KLF12: variants seen among roughly 807,000 people sequenced by gnomAD.
KLF12 encodes Krueppel-like factor 12.
A neutral mutation model predicts 37.8 loss-of-function variants in KLF12; 9 were observed. The ratio of observed to expected loss-of-function variants is 0.24; its 90% CI spans 0.14 to 0.42. The LOEUF is 0.42. Among genes scored for constraint, KLF12 ranks in the 10% least tolerant of loss-of-function variants. The probability of loss-of-function intolerance (pLI) is 1.00; values close to 1 mark genes in which losing one functional copy is unlikely to be tolerated. For missense variants in KLF12, 411 were observed against 516.0 expected (o/e 0.80, Z 1.97); for synonymous variants, 208 against 202.1 (o/e 1.03, Z -0.25).
At chr13:73,856,481 A>G (rs1390944420) in intron 3 of KLF12, among the ~76,000 whole-genome samples, 1 of 152,140 alleles carries the variant, frequency 6.6e-6, no homozygotes, top group African/African-American at 2.4e-5. Context: ...ATAACTACAC[A>G]TTTAAGAATC....
chr13:74,143,012 TTCCC>T, the KLF12 span, among the ~76,000 whole-genome samples: 31 of 151,244 alleles, frequency 2.0e-4, 1 homozygote, highest in African/African-American at 9.7e-5. Context: ...CCTTCCTTCC[TTCCC>T]TCCCTCCCTC....
chr13:73,970,910 C>G (rs545138286), intron 2 of KLF12, among the ~76,000 whole-genome samples: 1 of 151,924 alleles, frequency 6.6e-6, no homozygotes, highest in South Asian at 2.1e-4. Context: ...CTCAAAGCAG[C>G]AGAAGGGTGG....
chr13:73,865,958 T>C (rs1295600673), intron 3 of KLF12, among the ~76,000 whole-genome samples: 4 of 152,154 alleles, frequency 2.6e-5, no homozygotes, highest in Admixed American at 6.5e-5. Context: ...TAAGATACTT[T>C]AAAAAGCATA....
In KLF12 at chr13:73,689,936, C is replaced by A. The variant is rs1412092740; in HGVS notation, c.*5554G>T. Reference sequence around the variant, plus strand: ...CTTTTTATCTGGAAATTATAATTACCATATGCAATAGTGTTCACTGAAGAT... The same window carrying A: ...CTTTTTATCTGGAAATTATAATTACAATATGCAATAGTGTTCACTGAAGAT... On this transcript the variant is annotated 3_prime_UTR_variant, in exon 8 of 8. Transcript: ENST00000377669. The A allele has an allele frequency of 3.9e-5, 6 of 152,080 alleles. No individual in the cohort carries two copies. The highest frequency in any genetic ancestry group is 7.4e-5 in the Non-Finnish European group (5 of 68,014). The allele number at this position is 152,080 out of a possible 1,614,324, so 9.4% of individuals were successfully genotyped here.
the KLF12 span, among the ~76,000 whole-genome samples, chr13:74,305,645 T>G: frequency 6.6e-6 from 1 of 152,042 alleles, no homozygotes; most frequent in Non-Finnish European, 1.5e-5. Flanking sequence ...TGTCAATCTT[T>G]AAAAAGAAAT....
At chr13:74,114,638 G>A (rs758443294) in intron 1 of KLF12, among the ~76,000 whole-genome samples, 5 of 151,590 alleles carry the variant, frequency 3.3e-5, no homozygotes, top group Non-Finnish European at 7.3e-5. Context: ...AATATTTACA[G>A]CAGAGACACA....
intron 6 of KLF12, among the ~76,000 whole-genome samples, chr13:73,739,035 G>T (rs1440286845): frequency 6.6e-6 from 1 of 152,114 alleles, no homozygotes; most frequent in Non-Finnish European, 1.5e-5. Context: ...AGCAGTTTAA[G>T]AACAGCCTGG....
intron 6 of KLF12, among the ~76,000 whole-genome samples, chr13:73,738,307 G>A (rs1877679884): frequency 1.6e-5 from 1 of 63,872 alleles, no homozygotes; most frequent in African/African-American, 3.6e-5. Flanking sequence ...ACCACGCCTG[G>A]CTAATTTTTT....
chr13:74,273,994 A>T, the KLF12 span, among the ~76,000 whole-genome samples: 1 of 152,166 alleles, frequency 6.6e-6, no homozygotes. Flanking sequence ...TTAAAAATAG[A>T]AGACTGGCAC....
chr13:74,220,548 ACT>A, the KLF12 span, among the ~76,000 whole-genome samples: 3 of 152,072 alleles, frequency 2.0e-5, no homozygotes, highest in African/African-American at 7.2e-5. Flanking sequence ...CTTGAAATCT[ACT>A]CTTTTTAGTT....
chr13:74,235,622 A>T, the KLF12 span, among the ~76,000 whole-genome samples: 1 of 152,216 alleles, frequency 6.6e-6, no homozygotes, highest in Non-Finnish European at 1.5e-5. Context: ...AGATCTTTAT[A>T]TGTTAATAGC....
At chr13:74,269,146 G>A in the KLF12 span, among the ~76,000 whole-genome samples, 1 of 152,200 alleles carries the variant, frequency 6.6e-6, no homozygotes, top group Non-Finnish European at 1.5e-5. Context: ...TTACCCCAGA[G>A]ATAATGTTAT....
chr13:73,871,700 C>T (rs999122079), intron 3 of KLF12, among the ~76,000 whole-genome samples: 5 of 152,180 alleles, frequency 3.3e-5, no homozygotes, highest in Admixed American at 3.3e-4. Context: ...TAATTCCTAA[C>T]ACATCTTTAG....
At chr13:74,106,699 C>G (rs1167731032) in intron 1 of KLF12, among the ~76,000 whole-genome samples, 1 of 152,102 alleles carries the variant, frequency 6.6e-6, no homozygotes, top group Non-Finnish European at 1.5e-5. Context: ...CTGGGCTAAA[C>G]AGATGATCAT....
intron 3 of KLF12, among the ~76,000 whole-genome samples, chr13:73,934,680 G>A (rs777336998): frequency 6.6e-6 from 1 of 151,998 alleles, no homozygotes; most frequent in Non-Finnish European, 1.5e-5. Context: ...CTAGCAATTT[G>A]ATTATTCTGT....
intron 4 of KLF12, among the ~76,000 whole-genome samples, chr13:73,828,532 A>G (rs9318220): frequency 0.36 from 54,242 of 151,992 alleles, 11,332 homozygotes; most frequent in Non-Finnish European, 0.48. Context: ...TTGACATCCA[A>G]CTGGCCAACA....
At chr13:73,769,953 A>C (rs1334406336) in intron 5 of KLF12, among the ~76,000 whole-genome samples, 2 of 152,164 alleles carry the variant, frequency 1.3e-5, no homozygotes, top group Non-Finnish European at 2.9e-5. Flanking sequence ...GATTATAAGA[A>C]ATTATTATGT....
chr13:73,767,311 C>T (rs1349350128), intron 5 of KLF12, among the ~76,000 whole-genome samples: 1 of 152,194 alleles, frequency 6.6e-6, no homozygotes, highest in Non-Finnish European at 1.5e-5. Flanking sequence ...ATCTGCATGT[C>T]ATGCATTATT....
chr13:73,955,703 G>A (rs1890810232), intron 2 of KLF12, among the ~76,000 whole-genome samples: 1 of 152,182 alleles, frequency 6.6e-6, no homozygotes, highest in Non-Finnish European at 1.5e-5. Context: ...ATTTATTACT[G>A]AACGTATTTA....
Sources: allele counts gnomAD v4.1 joint callset (sites outside exome capture counted in the v4.1 genomes callset), GRCh38; gene constraint gnomAD v4.1.1; transcripts MANE v1.5; gene names NCBI Gene and HGNC (gene_info 2026-07-23, HGNC 2026-07-21).